The following TMPRSS11F variants were observed in gnomAD, a reference collection of about 807,000 sequenced individuals.
The protein encoded by TMPRSS11F is transmembrane serine protease 11F.
Under a neutral mutation model 60.2 loss-of-function variants are expected in TMPRSS11F, and 47 were observed. That is an observed-to-expected ratio of 0.78 (90% CI 0.62 to 1.00). The LOEUF (loss-of-function observed/expected upper bound fraction) is 1.00, where lower values mean the gene tolerates loss of function less well. TMPRSS11F is among the 50% of genes least tolerant of loss of function. TMPRSS11F has a pLI of 0.00. For synonymous variants in TMPRSS11F, 166 were observed against 167.3 expected (o/e 0.99, Z 0.06); for missense variants, 519 against 522.9 (o/e 0.99, Z 0.07).
intron 1 of TMPRSS11F, among the ~76,000 whole-genome samples, chr4:68,120,374 A>ATGTTT: frequency 8.2e-6 from 1 of 122,132 alleles, no homozygotes; most frequent in African/African-American, 3.2e-5. Context: ...CTACAGAGAA[A>ATGTTT]TCTTTTTTTT....
intron 1 of TMPRSS11F, among the ~76,000 whole-genome samples, chr4:68,105,077 A>G (rs1205301848): frequency 3.7e-5 from 3 of 82,180 alleles, no homozygotes; most frequent in Non-Finnish European, 7.0e-5. Flanking sequence ...TTTTTTTTGC[A>G]AGAGTTTGGG....
intron 1 of TMPRSS11F, among the ~76,000 whole-genome samples, chr4:68,101,271 T>C (rs1560406994): frequency 6.6e-6 from 1 of 152,146 alleles, no homozygotes; most frequent in Non-Finnish European, 1.5e-5. Flanking sequence ...CAAATGCCCA[T>C]TTATGTGTTT....
At chr4:68,087,713 A>G (rs1723842708) in intron 3 of TMPRSS11F, among the ~76,000 whole-genome samples, 1 of 151,170 alleles carries the variant, frequency 6.6e-6, no homozygotes, top group African/African-American at 2.4e-5. Context: ...TTATTTATTT[A>G]TTTATTTATT....
intron 4 of TMPRSS11F, among the ~76,000 whole-genome samples, chr4:68,072,778 G>A (rs1723507746): frequency 6.6e-6 from 1 of 152,112 alleles, no homozygotes; most frequent in African/African-American, 2.4e-5. Flanking sequence ...TTTGCGGGCG[G>A]AGATGTTGGT....
intron 2 of TMPRSS11F, among the ~76,000 whole-genome samples, chr4:68,095,753 G>A (rs1724060621): frequency 6.6e-6 from 1 of 151,942 alleles, no homozygotes; most frequent in African/African-American, 2.4e-5. Context: ...AAAATTATCT[G>A]GGCATGGTGG....
intron 9 of TMPRSS11F, among the ~76,000 whole-genome samples, chr4:68,054,932 AAC>A (rs1175340484): frequency 6.6e-6 from 1 of 152,200 alleles, no homozygotes; most frequent in Non-Finnish European, 1.5e-5. Context: ...GTGCTATGGT[AAC>A]ACACAACAGG....
chr4:68,068,837 G>A lies in TMPRSS11F; in HGVS notation c.554-18C>T. 6.2e-7 allele frequency: 1 copy of A among 1,611,902 alleles called. No homozygotes were observed. Among genetic ancestry groups the A allele is most frequent in the East Asian group, 2.2e-5 (1 of 44,878 alleles). ...TCCACAGCCTGCCACAGAAATACATGATCATTCATATTCATAAAAAGGAGG... is the reference window on the plus strand; with the variant it reads ...TCCACAGCCTGCCACAGAAATACATAATCATTCATATTCATAAAAAGGAGG... On this transcript the variant is annotated intron_variant, in intron 6 of 9. Transcript: ENST00000356291.
chr4:68,100,496 C>G (rs144548536), intron 1 of TMPRSS11F, among the ~76,000 whole-genome samples: 2 of 151,860 alleles, frequency 1.3e-5, no homozygotes, highest in Non-Finnish European at 2.9e-5. Flanking sequence ...GGAGAGGAGG[C>G]GATGGATTTA....
chr4:68,076,379 A>G (rs1723584216), intron 3 of TMPRSS11F, among the ~76,000 whole-genome samples: 1 of 152,372 alleles, frequency 6.6e-6, no homozygotes, highest in South Asian at 2.1e-4. Flanking sequence ...CAACTGTCTC[A>G]ATGTCAAAAC....
chr4:68,059,181 T>C, intron 9 of TMPRSS11F, 145 bp downstream of exon 9: 6 of 822,484 alleles, frequency 7.3e-6, no homozygotes, highest in Non-Finnish European at 1.1e-5. Flanking sequence ...AATACAATTA[T>C]TGTTATTGTT....
In TMPRSS11F at chr4:68,053,783, C is replaced by G. The variant is rs1261850881; in HGVS notation, c.*126G>C. The G allele has an allele frequency of 2.2e-6, 2 of 915,194 alleles. No individual in the cohort carries two copies. The highest frequency in any genetic ancestry group is 5.4e-5 in the Admixed American group (2 of 36,832). 56.7% of individuals were successfully genotyped at this position (915,194 alleles called of 1,614,324 possible). A position where few individuals can be genotyped will look rare whatever the true frequency, so the allele number is the denominator to read the frequency against. On this transcript the variant is annotated 3_prime_UTR_variant, in exon 10 of 10. Coordinates refer to ENST00000356291, the MANE Select transcript of TMPRSS11F (RefSeq NM_207407.2). ...GGCCACCTCAGGATATTAGATTTGT[C>G]TGGGTCTGAAGGGCTTCTTGACATC...
intron 2 of TMPRSS11F, among the ~76,000 whole-genome samples, chr4:68,095,336 A>T (rs138455878): frequency 1.8e-4 from 28 of 152,218 alleles, no homozygotes; most frequent in East Asian, 5.8e-4. Flanking sequence ...AAAACAGATG[A>T]CTCAATACAA....
intron 3 of TMPRSS11F, among the ~76,000 whole-genome samples, chr4:68,084,823 C>T (rs573643981): frequency 2.5e-3 from 359 of 145,624 alleles, no homozygotes; most frequent in Non-Finnish European, 4.5e-3. Context: ...CATGCTGGTG[C>T]GCTGCACCCA....
intron 1 of TMPRSS11F, among the ~76,000 whole-genome samples, chr4:68,117,592 A>T (rs144918803): frequency 6.6e-6 from 1 of 152,240 alleles, no homozygotes; most frequent in East Asian, 1.9e-4. Flanking sequence ...TATCAGGAAA[A>T]TGCAAGTCAA....
At position 68,062,947 on chromosome 4, in the gene TMPRSS11F, G is replaced by A. The variant is rs771807525; in HGVS notation, c.1015+1738C>T. On this transcript the variant is annotated intron_variant, in intron 8 of 9. Coordinates refer to ENST00000356291, the MANE Select transcript of TMPRSS11F (RefSeq NM_207407.2). ...TTGTGGCATTATAAAGCAGGCTAAT[G>A]AGAATTTCTGGAACTGACCCGTCTT... is the stretch of plus-strand genomic sequence containing the variant. The A allele has an allele frequency of 3.9e-6, 3 of 772,280 alleles. No individual in the cohort carries two copies. In the South Asian group the frequency reaches 4.0e-5, roughly 10 times the overall value. The allele number at this position is 772,280 out of a possible 1,614,324, so 47.8% of individuals were successfully genotyped here.
rs570749573 is a variant in TMPRSS11F, at chr4:68,070,531, C to G, written c.515-524G>C. ...TCAATGCAGGTTGATAACCTTGTCT[C>G]CCTGAGGATTCTCTCTTGTGAATGG... On this transcript the variant is annotated intron_variant, in intron 5 of 9. Transcript: ENST00000356291. Among the ~76,000 whole-genome samples the G allele has an allele frequency of 2.0e-5, 3 of 152,310 alleles. No homozygotes were observed. In the South Asian group the frequency reaches 6.2e-4, roughly 32 times the overall value.
At chr4:68,074,992 T>TA (rs1424716145) in intron 3 of TMPRSS11F, among the ~76,000 whole-genome samples, 1 of 152,184 alleles carries the variant, frequency 6.6e-6, no homozygotes, top group Non-Finnish European at 1.5e-5. Flanking sequence ...ATAAATAGAT[T>TA]AAAAAATTTT....
chr4:68,105,049 G>GTTTTTT lies in TMPRSS11F; in HGVS notation c.12-6017_12-6012dup, dbSNP rs34041075. 5.4e-4 allele frequency among the ~76,000 whole-genome samples: 30 copies of GTTTTTT among 55,190 alleles called. 1 individual carries two copies. Among genetic ancestry groups the GTTTTTT allele is most frequent in the Non-Finnish European group, 6.4e-4 (21 of 32,782 alleles). The allele number at this position is 55,190 out of a possible 152,430, so 36.2% of individuals were successfully genotyped here. Reference sequence around the variant, plus strand: ...ATGTGTTAGAAATCATTCCCTCTAGGTTTTTTTTTTTTTTTTTTTTTTTTT... The same window carrying GTTTTTT: ...ATGTGTTAGAAATCATTCCCTCTAGGTTTTTTTTTTTTTTTTTTTTTTTTTTTTTTT... On this transcript the variant is annotated intron_variant, in intron 1 of 9. Transcript: ENST00000356291.
chr4:68,060,515 CAAAAAAAA>C (rs71218926), intron 8 of TMPRSS11F, among the ~76,000 whole-genome samples: 3 of 29,638 alleles, frequency 1.0e-4, no homozygotes, highest in African/African-American at 3.1e-4. Context: ...GACTCCAACT[CAAAAAAAA>C]AAAAAAAAAA....
Sources: allele counts gnomAD v4.1 joint callset (sites outside exome capture counted in the v4.1 genomes callset), GRCh38; gene constraint gnomAD v4.1.1; transcripts MANE v1.5; gene names NCBI Gene and HGNC (gene_info 2026-07-23, HGNC 2026-07-21).